Variants in POR observed in about 807,000 individuals in gnomAD.
POR encodes the protein NADPH--cytochrome P450 reductase.
A neutral mutation model predicts 84.0 loss-of-function variants in POR; 56 were observed. That is an observed-to-expected ratio of 0.67 (90% CI 0.54 to 0.83). The LOEUF (loss-of-function observed/expected upper bound fraction) is 0.83, where lower values mean the gene tolerates loss of function less well. Ranked by LOEUF, POR falls within the 40% of genes least tolerant of loss-of-function variation. POR has a pLI of 0.00. For missense variants in POR, 938 were observed against 944.3 expected, an observed-to-expected ratio of 0.99 and a Z score of 0.09; for synonymous variants, 414 against 400.5, an observed-to-expected ratio of 1.03 and a Z score of -0.40.
chr7:75,915,742 G>T (rs1554547993), intron 1 of POR: 1 of 152,260 alleles, frequency 6.6e-6, no homozygotes, highest in African/African-American at 2.4e-5. Context: ...TCGCAGTCAG[G>T]TGTCTCGGCG....
chr7:75,938,791 T>C (rs1005962874), intron 1 of POR, among the ~76,000 whole-genome samples: 1 of 152,178 alleles, frequency 6.6e-6, no homozygotes, highest in African/African-American at 2.4e-5. Flanking sequence ...TCGCCATCTA[T>C]GCATCCCCAC....
chr7:75,922,397 C>T (rs1159967382), intron 1 of POR, among the ~76,000 whole-genome samples: 3 of 150,278 alleles, frequency 2.0e-5, no homozygotes, highest in Non-Finnish European at 4.4e-5. Flanking sequence ...AATCTTGGCT[C>T]ACTGCAACCT....
intron 1 of POR, among the ~76,000 whole-genome samples, chr7:75,947,848 TG>T (rs1284890821): frequency 6.6e-6 from 1 of 151,834 alleles, no homozygotes; most frequent in Non-Finnish European, 1.5e-5. Context: ...AGGTGCAAGC[TG>T]GAGAGTGGCT....
At chr7:75,977,789 TAAA>T (rs1210773551) in intron 3 of POR, among the ~76,000 whole-genome samples, 1 of 150,602 alleles carries the variant, frequency 6.6e-6, no homozygotes, top group Non-Finnish European at 1.5e-5. Context: ...CACACAAAAA[TAAA>T]AAAAAGAAAA....
At chr7:75,951,061 G>C (rs112017998) in intron 1 of POR, among the ~76,000 whole-genome samples, 689 of 14,720 alleles carry the variant, frequency 0.047, no homozygotes, top group Non-Finnish European at 0.055. Flanking sequence ...TCTGTCCCCC[G>C]GCCCCCCCCC....
At chr7:75,978,926 A>T (rs1245317774) in intron 3 of POR, among the ~76,000 whole-genome samples, 2 of 151,688 alleles carry the variant, frequency 1.3e-5, no homozygotes, top group Non-Finnish European at 2.9e-5. Context: ...CCTCCCTAGT[A>T]ACTGGGATTA....
chr7:75,926,264 G>A (rs1326726417), intron 1 of POR, among the ~76,000 whole-genome samples: 1 of 151,822 alleles, frequency 6.6e-6, no homozygotes, highest in Non-Finnish European at 1.5e-5. Flanking sequence ...CAAAGTGCTG[G>A]AATTACAGGC....
intron 1 of POR, among the ~76,000 whole-genome samples, chr7:75,935,086 A>G (rs1807601117): frequency 6.6e-6 from 1 of 152,178 alleles, no homozygotes; most frequent in Admixed American, 6.5e-5. Context: ...GAAAAGCCAC[A>G]GGCTGTGAGA....
chr7:75,923,145 G>T, intron 1 of POR: 1 of 1,043,376 alleles, frequency 9.6e-7, no homozygotes, highest in Non-Finnish European at 1.5e-6. Flanking sequence ...CAAATCTGAA[G>T]TCTGTCCAGA....
At chr7:75,977,271 GC>G (rs2116566742) in intron 3 of POR, among the ~76,000 whole-genome samples, 1 of 152,342 alleles carries the variant, frequency 6.6e-6, no homozygotes, top group South Asian at 2.1e-4. Context: ...TACTGGAGGG[GC>G]TGAAGGAGCA....
chr7:75,986,345 GGAACATGGCCAGGGATGTGCA>G lies in POR; in HGVS notation c.1913_1933del (p.Met638_Asn644del). ...CCCCTCTTCCTGCCCAGGGATGCAC[GGAACATGGCCAGGGATGTGCA>G]GAACACCTTCTACGACATCGTGGCT... On this transcript the variant is annotated inframe_deletion, in exon 16 of 16. Coordinates refer to ENST00000461988, the MANE Select transcript of POR (RefSeq NM_000941.3). The G allele has an allele frequency of 6.2e-7, 1 of 1,612,536 alleles. No homozygotes were observed. Among genetic ancestry groups the G allele is most frequent in the Non-Finnish European group, 8.5e-7 (1 of 1,179,800 alleles).
At chr7:75,971,842 T>G (rs1585120455) in intron 2 of POR, among the ~76,000 whole-genome samples, 1 of 150,478 alleles carries the variant, frequency 6.6e-6, no homozygotes, top group African/African-American at 2.5e-5. Flanking sequence ...AGGGAGGGGG[T>G]GTGAATTAGG....
chr7:75,980,655 C>T lies in POR; in HGVS notation c.516+167C>T, dbSNP rs72555506. On this transcript the variant is annotated intron_variant, in intron 5 of 15. Coordinates refer to ENST00000461988, the MANE Select transcript of POR (RefSeq NM_000941.3). ...TCCTCTGCCCCAGACCCCAGCACTACGAGAATGTCCCCTCCCTGTCCCCAG... is the reference window on the plus strand; with the variant it reads ...TCCTCTGCCCCAGACCCCAGCACTATGAGAATGTCCCCTCCCTGTCCCCAG... The T allele has an allele frequency of 1.2e-3, 1,885 of 1,545,352 alleles. 29 individuals carry two copies. In the African/African-American group the frequency reaches 0.022, roughly 18 times the overall value.
rs1414653112 is a variant in POR, at chr7:75,936,340, C to T, written c.-4-17649C>T. ...CCCAGGCTGGTCTCGAACCTCTGGC[C>T]TCAGCACTTCTCCAGCCTCGGCCTC... On this transcript the variant is annotated intron_variant, in intron 1 of 15. Transcript: ENST00000461988. 2.0e-5 allele frequency among the ~76,000 whole-genome samples: 3 copies of T among 151,360 alleles called. No homozygotes were observed. The East Asian group carries it at 5.8e-4, about 29-fold the overall frequency.
chr7:75,969,244 G>A lies in POR; in HGVS notation c.189-3169G>A, dbSNP rs543072237. Among the ~76,000 whole-genome samples, 4 of 152,334 alleles carry A rather than the reference G, an allele frequency of 2.6e-5. No individual in the cohort carries two copies. The East Asian group carries it at 7.7e-4, about 29-fold the overall frequency. On this transcript the variant is annotated intron_variant, in intron 2 of 15. Coordinates refer to ENST00000461988, the MANE Select transcript of POR (RefSeq NM_000941.3). ...TACTGGGTGTTAACCAAGTTCCCCA[G>A]TCAGGCACTGGGGAGGCTGCAATAA...
At chr7:75,941,531 A>G (rs1554551488) in intron 1 of POR, among the ~76,000 whole-genome samples, 1 of 152,158 alleles carries the variant, frequency 6.6e-6, no homozygotes, top group Non-Finnish European at 1.5e-5. Context: ...TCCGGTAACT[A>G]GGTGCACTTC....
intron 1 of POR, among the ~76,000 whole-genome samples, chr7:75,944,135 G>T (rs1787073873): frequency 6.6e-6 from 1 of 152,118 alleles, no homozygotes. Flanking sequence ...CCAAGCTAGG[G>T]TTTGTCAGCA....
chr7:75,961,373 C>G (rs143474077), intron 2 of POR, among the ~76,000 whole-genome samples: 41 of 152,248 alleles, frequency 2.7e-4, no homozygotes, highest in African/African-American at 8.4e-4. Flanking sequence ...CTGCACGAGG[C>G]CTGTGCGCTG....
intron 2 of POR, among the ~76,000 whole-genome samples, chr7:75,955,501 A>G (rs782748967): frequency 3.9e-5 from 6 of 152,170 alleles, no homozygotes; most frequent in Admixed American, 1.3e-4. Context: ...CACCAGTCTC[A>G]GACTCCAGGG....
Sources: allele counts gnomAD v4.1 joint callset (sites outside exome capture counted in the v4.1 genomes callset), GRCh38; gene constraint gnomAD v4.1.1; transcripts MANE v1.5; gene names NCBI Gene and HGNC (gene_info 2026-07-23, HGNC 2026-07-21).